CEP68: variants seen among roughly 807,000 people sequenced by gnomAD.
CEP68 encodes the protein centrosomal protein of 68 kDa.
A neutral mutation model predicts 55.3 loss-of-function variants in CEP68; 26 were observed. That is an observed-to-expected ratio of 0.47 (90% CI 0.34 to 0.65). The LOEUF is 0.65. Ranked by LOEUF, CEP68 falls within the 30% of genes least tolerant of loss-of-function variation. The pLI is 0.01. For synonymous variants in CEP68, 402 were observed against 383.2 expected (o/e 1.05, Z -0.57); for missense variants, 957 against 946.7 (o/e 1.01, Z -0.14).
At chr2:65,065,729 G>A (rs1676130894) in intron 1 of CEP68, among the ~76,000 whole-genome samples, 3 of 152,150 alleles carry the variant, frequency 2.0e-5, no homozygotes, top group Admixed American at 6.5e-5. Context: ...AGCACTTTGG[G>A]AGGCCAACTA....
rs1573049528 is a variant in CEP68 at position 65,080,373 on chromosome 2, T to C, written c.2105-2163T>C. On this transcript the variant is annotated intron_variant, in intron 5 of 6. Transcript: ENST00000377990. The stretch of plus-strand genomic sequence containing the variant: ...GGCTGTTTCCCCCTTGAGACGTCAG[T>C]GTCTGTCTCCAGCGGGTGCAAAACT... The C allele has an allele frequency of 4.1e-6, 4 of 985,308 alleles. No homozygotes were observed. The African/African-American group carries it at 5.2e-5, about 13-fold the overall frequency. 61.0% of individuals were successfully genotyped at this position (985,308 alleles called of 1,614,324 possible). A position where few individuals can be genotyped will look rare whatever the true frequency, so the allele number is the denominator to read the frequency against.
At position 65,072,770 on chromosome 2, in the gene CEP68, C is replaced by G; in HGVS notation, c.1674C>G (p.Phe558Leu). ...ATCCTGAGGGCCAGAATCCCTGTTT[C>G]CTGCGCTCCTTCGTCCGTGCCCACG... ...SGDPEGQNPC[F>L]LRSFVRAHDS... is the part of the protein sequence containing the mutation. The change falls in exon 3 of 7, where the codon TTC becomes TTG. Residue 558 changes from phenylalanine (F) to leucine (L), a missense_variant. Coordinates refer to ENST00000377990, the MANE Select transcript of CEP68 (RefSeq NM_015147.3). 2 of 1,614,146 alleles carry G rather than the reference C, an allele frequency of 1.2e-6. No individual in the cohort carries two copies. Among genetic ancestry groups the G allele is most frequent in the Non-Finnish European group, 1.7e-6 (2 of 1,180,028 alleles).
chr2:65,066,682 A>AGTG (rs1676187365), intron 1 of CEP68, among the ~76,000 whole-genome samples: 2 of 141,080 alleles, frequency 1.4e-5, no homozygotes, highest in Non-Finnish European at 3.1e-5. Context: ...AGCCGAGATC[A>AGTG]CACCACTGCA....
intron 1 of CEP68, among the ~76,000 whole-genome samples, chr2:65,068,126 C>T (rs1370545664): frequency 6.6e-6 from 1 of 152,198 alleles, no homozygotes; most frequent in East Asian, 1.9e-4. Flanking sequence ...GCCCAGTGCA[C>T]TCCGGGTGGC....
chr2:65,080,265 T>C, intron 5 of CEP68: 1 of 985,378 alleles, frequency 1.0e-6, no homozygotes, highest in Non-Finnish European at 1.2e-6. Context: ...GGGGTTTTCT[T>C]TGGTTTTCAG....
Position 65,078,104 on chromosome 2 carries a change from A to C in CEP68, c.2104+140A>C, listed in dbSNP as rs1676845782. On this transcript the variant is annotated intron_variant, in intron 5 of 6. Coordinates refer to ENST00000377990, the MANE Select transcript of CEP68 (RefSeq NM_015147.3). Reference sequence around the variant, plus strand: ...CACTGCCCGAGATGCCCCATGCCCCATCTGCCAGCTCCACGCGTCGCTGCC... The same window carrying C: ...CACTGCCCGAGATGCCCCATGCCCCCTCTGCCAGCTCCACGCGTCGCTGCC... 1.2e-5 allele frequency: 7 copies of C among 583,788 alleles called. No homozygotes were observed. The South Asian group carries it at 1.6e-4, about 13-fold the overall frequency. The allele number at this position is 583,788 out of a possible 1,614,324, so 36.2% of individuals were successfully genotyped here.
At chr2:65,083,088 AG>A (rs1200504695) in intron 6 of CEP68, among the ~76,000 whole-genome samples, 1 of 152,168 alleles carries the variant, frequency 6.6e-6, no homozygotes, top group African/African-American at 2.4e-5. Flanking sequence ...CCTGTTCTGC[AG>A]GATCTTCTCC....
chr2:65,069,342 T>G, intron 1 of CEP68, 57 bp from the exon 2 acceptor site: 1 of 940,980 alleles, frequency 1.1e-6, no homozygotes, highest in South Asian at 2.5e-5. Flanking sequence ...AGAGCAAGAC[T>G]TCCTGAACAC....
At chr2:65,079,771 C>T (rs6741255) in intron 5 of CEP68, among the ~76,000 whole-genome samples, 99,392 of 152,156 alleles carry the variant, frequency 0.65, 32,737 homozygotes, top group Non-Finnish European at 0.69. Context: ...ACTGGCTTTC[C>T]GCAGCTTCCC....
In CEP68 at chr2:65,069,141, C is replaced by T. The variant is rs142656077; in HGVS notation, c.-46-258C>T. ...TGATTGGACTTTGGACCTGTGTTGA[C>T]CCTCTTGGGTTTCTGCTGGTGGGGA... On this transcript the variant is annotated intron_variant, in intron 1 of 6. Transcript: ENST00000377990. Among the ~76,000 whole-genome samples, 530 of 152,226 alleles carry T rather than the reference C, an allele frequency of 3.5e-3. 4 individuals carry two copies. The highest frequency in any genetic ancestry group is 0.012 in the African/African-American group (507 of 41,532).
At chr2:65,080,365 G>A in intron 5 of CEP68, 1 of 985,146 alleles carries the variant, frequency 1.0e-6, no homozygotes, top group Non-Finnish European at 1.2e-6. Flanking sequence ...TCCCCCTTGA[G>A]ACGTCAGTGT....
At chr2:65,062,019 T>C (rs908524351) in intron 1 of CEP68, among the ~76,000 whole-genome samples, 64 of 152,370 alleles carry the variant, frequency 4.2e-4, no homozygotes, top group African/African-American at 1.5e-3. Context: ...GTTCTGCCAC[T>C]GTGTGTTCAT....
At position 65,072,836 on chromosome 2, in the gene CEP68, C is replaced by T. The variant is rs373115173; in HGVS notation, c.1740C>T (p.Leu580=). 9.3e-6 allele frequency: 15 copies of T among 1,614,166 alleles called. No homozygotes were observed. The highest frequency in any genetic ancestry group is 3.3e-4 in the Middle Eastern group (2 of 6,062). ...GCAGTCTGGGGAGCAGCCAGGCCCT[C>T]GGGGTCTCCTCTGGACTGCTGAAAA... The part of the protein sequence containing the change: ...GEGSLGSSQA[L]GVSSGLLKTR... Residue 580 remains leucine, a synonymous_variant, in exon 3 of 7, where the codon CTC becomes CTT. Transcript: ENST00000377990.
intron 4 of CEP68, chr2:65,074,659 G>T (rs1009339101): frequency 6.6e-6 from 3 of 452,422 alleles, no homozygotes; most frequent in Middle Eastern, 6.8e-4. Flanking sequence ...GTTTTGGGCT[G>T]GCAGGTGCAG....
Position 65,072,184 on chromosome 2 carries a change from CTGCCCTGCCAT to C in CEP68, c.1090_1100del (p.Ala364PhefsTer9). 6.2e-7 allele frequency: 1 copy of C among 1,614,156 alleles called. No homozygotes were observed. The highest frequency in any genetic ancestry group is 8.5e-7 in the Non-Finnish European group (1 of 1,180,018). ...CCCAACTGCCCACCAGCAGAGGCCA[CTGCCCTGCCAT>C]TTTCTGGGCCCAGAGAGCCAAGCCT... On this transcript the variant is annotated frameshift_variant, in exon 3 of 7. Transcript: ENST00000377990. LOFTEE classifies it high-confidence loss of function.
chr2:65,062,797 A>C (rs1384014258), intron 1 of CEP68, among the ~76,000 whole-genome samples: 4 of 151,266 alleles, frequency 2.6e-5, no homozygotes, highest in Non-Finnish European at 5.9e-5. Flanking sequence ...AGATCGTGCC[A>C]CTGCACTCCA....
intron 4 of CEP68, chr2:65,074,609 G>T (rs1299924663): frequency 1.4e-6 from 1 of 692,246 alleles, no homozygotes. Context: ...AATGGAGCTT[G>T]AAGATACAAT....
intron 1 of CEP68, among the ~76,000 whole-genome samples, chr2:65,058,485 C>G (rs1675755170): frequency 7.5e-6 from 1 of 134,130 alleles, no homozygotes. Context: ...TATCCGATGG[C>G]TGATTTTTTT....
chr2:65,068,805 G>C (rs1676319313), intron 1 of CEP68, among the ~76,000 whole-genome samples: 1 of 152,114 alleles, frequency 6.6e-6, no homozygotes, highest in African/African-American at 2.4e-5. Context: ...TCCAGCCTGG[G>C]TGACAGAGTA....
Sources: gnomAD v4.1 joint callset for allele counts (sites outside exome capture counted in the v4.1 genomes callset) on GRCh38, gnomAD v4.1.1 for gene constraint, MANE v1.5 for transcripts, NCBI Gene and HGNC (gene_info 2026-07-23, HGNC 2026-07-21) for gene names.